TEP1: variants seen among roughly 807,000 people sequenced by gnomAD.
The protein encoded by TEP1 is telomerase protein component 1.
TEP1 carries 241 observed loss-of-function variants against 306.3 expected under a neutral mutation model. That is an observed-to-expected ratio of 0.79 (90% CI 0.71 to 0.88). The LOEUF is 0.88. TEP1 is among the 40% of genes least tolerant of loss of function. TEP1 has a pLI of 0.00. For synonymous variants in TEP1, 1,289 were observed against 1,305.5 expected (o/e 0.99, Z 0.27); for missense variants, 3,051 against 3,276.1 (o/e 0.93, Z 1.68).
At chr14:20,410,046 A>T (rs1163648667) in intron 1 of TEP1, among the ~76,000 whole-genome samples, 2 of 132,120 alleles carry the variant, frequency 1.5e-5, no homozygotes, top group Non-Finnish European at 3.2e-5. Flanking sequence ...AAAAAAAAAA[A>T]AAAAAAAAAA....
At position 20,385,037 on chromosome 14, in the gene TEP1, G is replaced by A. The variant is rs1279416789; in HGVS notation, c.3055C>T (p.Leu1019=). ...VMQFLNRNQR[L]QPSAQALIYF... ...ATGAGAGCTTGGGCAGAGGGCTGCA[G>A]ACGTTGGTTCCGGTTCAGGAACTGC... is the stretch of plus-strand genomic sequence containing the variant. Residue 1019 remains leucine, a synonymous_variant, in exon 21 of 55, where the codon CTG becomes TTG. Coordinates refer to ENST00000262715, the MANE Select transcript of TEP1 (RefSeq NM_007110.5). 6.2e-7 allele frequency: 1 copy of A among 1,614,098 alleles called. No individual in the cohort carries two copies. Among genetic ancestry groups the A allele is most frequent in the Non-Finnish European group, 8.5e-7 (1 of 1,180,040 alleles).
chr14:20,389,166 C>A, intron 17 of TEP1, 72 bp downstream of exon 17: 4 of 1,307,766 alleles, frequency 3.1e-6, no homozygotes, highest in South Asian at 1.3e-5. Context: ...AAAAAAGTGA[C>A]TGGAGTAGAG....
intron 4 of TEP1, 65 bp from the exon 5 acceptor site, chr14:20,404,837 T>G: frequency 6.6e-7 from 1 of 1,523,660 alleles, no homozygotes; most frequent in East Asian, 2.3e-5. Flanking sequence ...GCCCTGAAAT[T>G]ACTTGCTGAT....
intron 28 of TEP1, 94 bp from the exon 29 acceptor site, chr14:20,382,450 G>C: frequency 6.5e-7 from 1 of 1,547,578 alleles, no homozygotes; most frequent in Non-Finnish European, 8.8e-7. Flanking sequence ...GGACAGTGTG[G>C]AGGAATGAAA....
rs1392497186 is a variant in TEP1, at chr14:20,395,940, T to A, written c.1669A>T (p.Ile557Phe). Residue 557 changes from isoleucine (I) to phenylalanine (F), a missense_variant, in exon 11 of 55, where the codon ATC (isoleucine) becomes TTC (phenylalanine). Physicochemically the swap from Ile to Phe is conservative, Grantham distance 21. This residue lies in a region of TEP1 where 1,507 missense variants were observed against 1,550.5 expected (regional missense o/e 0.97). Coordinates refer to ENST00000262715, the MANE Select transcript of TEP1 (RefSeq NM_007110.5). ...CTGAATGGAAACTGCCGACTGTGGA[T>A]CACCGACTTCTAGAAAGCAAAGGAG... The part of the protein sequence containing the change: ...LQRLQHAKSV[I>F]HSRQFPFRFL... 6.2e-6 allele frequency: 10 copies of A among 1,613,974 alleles called. No individual in the cohort carries two copies. The highest frequency in any genetic ancestry group is 5.9e-6 in the Non-Finnish European group (7 of 1,179,956).
chr14:20,411,196 A>G (rs1372720154), intron 1 of TEP1, among the ~76,000 whole-genome samples: 1 of 152,198 alleles, frequency 6.6e-6, no homozygotes, highest in Non-Finnish European at 1.5e-5. Flanking sequence ...CATCTTCAGC[A>G]TCATACACAA....
rs146024505 is a variant in TEP1 at position 20,374,846 on chromosome 14, T to C, written c.6364-310A>G. Among the ~76,000 whole-genome samples, 136 of 152,104 alleles carry C rather than the reference T, an allele frequency of 8.9e-4. No homozygotes were observed. In the East Asian group the frequency reaches 0.024, roughly 27 times the overall value. On this transcript the variant is annotated intron_variant, in intron 43 of 54. Transcript: ENST00000262715. ...GGCTCATGCCTGTAATCCCAATACT[T>C]TGGGAGGCCGAGGCAGGTGGATCGC... is the stretch of plus-strand genomic sequence containing the variant.
chr14:20,390,751 T>C lies in TEP1; in HGVS notation c.2264A>G (p.Asp755Gly). The change falls in exon 15 of 55, where the codon GAT (aspartate) becomes GGT (glycine). Residue 755 changes from aspartate (D) to glycine (G), a missense_variant. Coordinates refer to ENST00000262715, the MANE Select transcript of TEP1 (RefSeq NM_007110.5). The stretch of plus-strand genomic sequence containing the variant: ...ATTCAGGGACCATCCATCATTTTCA[T>C]CAAACTCCTGAAGGAAAGAGACTTC... ...IKLQAQVQEF[D>G]ENDGWSLNTF... is the part of the protein sequence containing the mutation. 1 of 1,614,234 alleles carries C rather than the reference T, an allele frequency of 6.2e-7. No individual in the cohort carries two copies. Among genetic ancestry groups the C allele is most frequent in the Non-Finnish European group, 8.5e-7 (1 of 1,180,040 alleles).
In TEP1 at chr14:20,373,562, A is replaced by G; in HGVS notation, c.6626T>C (p.Leu2209Pro). 1 of 1,614,242 alleles carries G rather than the reference A, an allele frequency of 6.2e-7. No individual in the cohort carries two copies. Among genetic ancestry groups the G allele is most frequent in the Non-Finnish European group, 8.5e-7 (1 of 1,180,038 alleles). ...ATCTAGCCCGACGGTTACCACCAGA[A>G]GCTCTGACCCAGGCTGTCCAGCTGA... is the stretch of plus-strand genomic sequence containing the variant. ...PRAAGQPGSE[L>P]LVVTVGLDGA... Residue 2209 changes from leucine to proline, a missense_variant, in exon 46 of 55, where the codon CTT (leucine) becomes CCT (proline). Physicochemically the swap from Leu to Pro is moderately conservative, Grantham distance 98. This residue lies in a region of TEP1 where 1,540 missense variants were observed against 1,705.9 expected (regional missense o/e 0.90). Transcript: ENST00000262715.
chr14:20,413,190 G>T (rs1358603482), intron 1 of TEP1, among the ~76,000 whole-genome samples: 6 of 151,574 alleles, frequency 4.0e-5, no homozygotes, highest in Non-Finnish European at 8.8e-5. Flanking sequence ...CCCCTTTCAC[G>T]CAGTATACAC....
Position 20,384,459 on chromosome 14 carries a change from C to T in TEP1, c.3271G>A (p.Gly1091Arg), listed in dbSNP as rs147687706. ...ACCAACTGCCCAAACTCCTCCAGCC[C>T]GCCAACATAGGGCCGGCCAGCTGCC... ...GVAAGRPYVG[G>R]LEEFGQLVLQ... is the part of the protein sequence containing the mutation. The change falls in exon 23 of 55, where the codon GGG (glycine) becomes AGG (arginine). Residue 1091 changes from glycine (G) to arginine (R), a missense_variant. Coordinates refer to ENST00000262715, the MANE Select transcript of TEP1 (RefSeq NM_007110.5). 2.3e-3 allele frequency: 3,633 copies of T among 1,614,138 alleles called. 8 individuals are homozygous for T. Among genetic ancestry groups the T allele is most frequent in the Non-Finnish European group, 2.8e-3 (3,291 of 1,180,024 alleles).
chr14:20,380,041 A>T lies in TEP1; in HGVS notation c.5016T>A (p.Ser1672=), dbSNP rs1885436174. The part of the protein sequence containing the change: ...TMKNQQSSSL[S]LAVSSSPTAV... ...CAGTAGGGGATGAGGAAACTGCCAG[A>T]GACAGGCTGGAGCTAGAGAAAGAGT... The change falls in exon 35 of 55, where the codon TCT becomes TCA. Residue 1672 remains serine, a synonymous_variant. Coordinates refer to ENST00000262715, the MANE Select transcript of TEP1 (RefSeq NM_007110.5). 1 of 1,612,276 alleles carries T rather than the reference A, an allele frequency of 6.2e-7. No homozygotes were observed. The highest frequency in any genetic ancestry group is 1.3e-5 in the African/African-American group (1 of 74,808).
Position 20,375,772 on chromosome 14 carries a change from T to C in TEP1, c.6346A>G (p.Thr2116Ala). 6.2e-7 allele frequency: 1 copy of C among 1,613,312 alleles called. No individual in the cohort carries two copies. The highest frequency in any genetic ancestry group is 8.5e-7 in the Non-Finnish European group (1 of 1,179,766). The change falls in exon 43 of 55, where the codon ACC (threonine) becomes GCC (alanine). Residue 2116 changes from threonine (T) to alanine (A), a missense_variant. Transcript: ENST00000262715. ...HRDWVTGCAWTKDNLLISCSS... is the reference protein window; with the variant it reads ...HRDWVTGCAWAKDNLLISCSS... ...TTACTCACCAGTAGGTTATCTTTGG[T>C]CCAGGCACAGCCAGTGACCCAGTCA...
At chr14:20,390,555 C>A (rs977749287) in intron 15 of TEP1, 126 bp downstream of exon 15, 13 of 865,034 alleles carry the variant, frequency 1.5e-5, no homozygotes, top group Non-Finnish European at 2.2e-5. Context: ...GGGTTGTAGC[C>A]AGTAGAGCTG....
Position 20,395,611 on chromosome 14 carries a change from C to T in TEP1, c.1767G>A (p.Ser589=), listed in dbSNP as rs140158708. 2.2e-5 allele frequency: 36 copies of T among 1,601,122 alleles called. No homozygotes were observed. The highest frequency in any genetic ancestry group is 2.7e-5 in the Non-Finnish European group (31 of 1,169,358). Residue 589 remains serine, a synonymous_variant, in exon 12 of 55, where the codon TCG becomes TCA. Coordinates refer to ENST00000262715, the MANE Select transcript of TEP1 (RefSeq NM_007110.5). ...GTATCCGCCTCATCAGTGTTATATT[C>T]GAAGGAAAGGGCAATGCTGTATGAT... is the stretch of plus-strand genomic sequence containing the variant. ...QLRNQALPFP[S]NITLMRRILT...
At chr14:20,384,327 C>G (rs771961812) in intron 23 of TEP1, 64 bp downstream of exon 23, 290 of 1,610,798 alleles carry the variant, frequency 1.8e-4, no homozygotes, top group Admixed American at 6.7e-4. Flanking sequence ...TACTTCCTCC[C>G]CAGGACAACC....
In TEP1 at chr14:20,380,998, G is replaced by C. The variant is rs1341441615; in HGVS notation, c.4695C>G (p.Leu1565=). The C allele has an allele frequency of 5.6e-6, 9 of 1,614,076 alleles. No homozygotes were observed. The highest frequency in any genetic ancestry group is 1.6e-4 in the Middle Eastern group (1 of 6,084). The change falls in exon 33 of 55, where the codon CTC becomes CTG. Residue 1565 remains leucine, a synonymous_variant. Coordinates refer to ENST00000262715, the MANE Select transcript of TEP1 (RefSeq NM_007110.5). Reference sequence around the variant, plus strand: ...ATTCCAAGTGTGCAGCCACCACATGGAGGTTGGTAAGGAACTTCGAAAGAA... The same window carrying C: ...ATTCCAAGTGTGCAGCCACCACATGCAGGTTGGTAAGGAACTTCGAAAGAA... ...RGLLSKFLTN[L]HVVAAHLELG... is the part of the protein sequence containing the mutation.
In TEP1 at chr14:20,382,046, G is replaced by A. The variant is rs539351442; in HGVS notation, c.4291C>T (p.Leu1431=). The A allele has an allele frequency of 2.4e-5, 39 of 1,614,150 alleles. No individual in the cohort carries two copies. Among genetic ancestry groups the A allele is most frequent in the South Asian group, 2.3e-4 (21 of 91,084 alleles). Residue 1431 remains leucine, a synonymous_variant, in exon 30 of 55, where the codon CTG becomes TTG. Transcript: ENST00000262715. The stretch of plus-strand genomic sequence containing the variant: ...CGCCACACACTCAGCACTCCGTGCA[G>A]CTGGTCCACAGTCAAACCTGAAAAC... The part of the protein sequence containing the change: ...VTRSGLTVDQ[L]HGVLSVWRTL...
chr14:20,406,411 A>G lies in TEP1; in HGVS notation c.568-11T>C. 1.9e-6 allele frequency: 3 copies of G among 1,613,448 alleles called. No homozygotes were observed. Among genetic ancestry groups the G allele is most frequent in the Non-Finnish European group, 2.5e-6 (3 of 1,179,836 alleles). Reference sequence around the variant, plus strand: ...ATCAAACCAACGACCCTGGGGTAGTAGTGGCAGTTATGAATCACAGCAGGT... The same window carrying G: ...ATCAAACCAACGACCCTGGGGTAGTGGTGGCAGTTATGAATCACAGCAGGT... On this transcript the variant is annotated splice_polypyrimidine_tract_variant and intron_variant, in intron 2 of 54. Coordinates refer to ENST00000262715, the MANE Select transcript of TEP1 (RefSeq NM_007110.5).
Sources: gnomAD v4.1 joint callset for allele counts (sites outside exome capture counted in the v4.1 genomes callset) on GRCh38, gnomAD v4.1.1 for gene constraint, gnomAD v4.1.1 regional missense constraint, MANE v1.5 for transcripts, NCBI Gene and HGNC (gene_info 2026-07-23, HGNC 2026-07-21) for gene names.